PARD3B: variants seen among roughly 807,000 people sequenced by gnomAD.
PARD3B encodes partitioning defective 3 homolog B.
PARD3B carries 103 observed loss-of-function variants against 130.2 expected under a neutral mutation model. That is an observed-to-expected ratio of 0.79 (90% CI 0.67 to 0.93). PARD3B has a LOEUF of 0.93. PARD3B is among the 40% of genes least tolerant of loss of function. The pLI, the probability that PARD3B is intolerant of heterozygous loss-of-function variation, is 0.00. For synonymous variants in PARD3B, 583 were observed against 553.2 expected (o/e 1.05, Z -0.76); for missense variants, 1,609 against 1,499.2 (o/e 1.07, Z -1.21).
chr2:205,437,213 G>A (rs1196099133), intron 19 of PARD3B, among the ~76,000 whole-genome samples: 1 of 152,096 alleles, frequency 6.6e-6, no homozygotes, highest in African/African-American at 2.4e-5. Context: ...TTCCACTGTA[G>A]ATAGAATTTT....
At chr2:205,041,964 CA>C (rs1450113471) in intron 3 of PARD3B, among the ~76,000 whole-genome samples, 1 of 152,088 alleles carries the variant, frequency 6.6e-6, no homozygotes, top group African/African-American at 2.4e-5. Flanking sequence ...CCATCCCAAA[CA>C]TATCCTCCAA....
intron 16 of PARD3B, among the ~76,000 whole-genome samples, chr2:205,277,522 CT>C (rs1234444728): frequency 6.6e-6 from 1 of 152,092 alleles, no homozygotes; most frequent in Non-Finnish European, 1.5e-5. Flanking sequence ...CTCCTAATTT[CT>C]TTTTTGACAT....
chr2:205,168,262 T>C (rs1250845466), intron 11 of PARD3B, among the ~76,000 whole-genome samples: 1 of 127,518 alleles, frequency 7.8e-6, no homozygotes. Context: ...ATGGGAGTAA[T>C]AGAGGAAGAA....
At chr2:204,565,424 G>A (rs1181508456) in intron 1 of PARD3B, among the ~76,000 whole-genome samples, 1 of 152,154 alleles carries the variant, frequency 6.6e-6, no homozygotes, top group African/African-American at 2.4e-5. Flanking sequence ...GACTGATCTT[G>A]TATTCCTGTG....
intron 2 of PARD3B, among the ~76,000 whole-genome samples, chr2:204,825,664 C>G (rs116633858): frequency 0.013 from 1,944 of 152,282 alleles, 34 homozygotes; most frequent in African/African-American, 0.044. Context: ...ATGAGTCAAG[C>G]ACCAAGTTAG....
Position 204,971,658 on chromosome 2 carries a change from A to T in PARD3B, c.394+6335A>T, listed in dbSNP as rs79803880. 7.3e-3 allele frequency among the ~76,000 whole-genome samples: 1,102 copies of T among 151,236 alleles called. 19 individuals carry two copies. Among genetic ancestry groups the T allele is most frequent in the African/African-American group, 0.025 (1,031 of 41,102 alleles). On this transcript the variant is annotated intron_variant, in intron 3 of 22. Coordinates refer to ENST00000406610, the MANE Select transcript of PARD3B (RefSeq NM_001302769.2). Reference sequence around the variant, plus strand: ...CCCTCCATGAAGGCTTAAATGAATAATGTTGTAATTAGCTATGGTAACCTT... The same window carrying T: ...CCCTCCATGAAGGCTTAAATGAATATTGTTGTAATTAGCTATGGTAACCTT...
At chr2:205,545,222 A>T (rs1232929420) in intron 21 of PARD3B, among the ~76,000 whole-genome samples, 1 of 152,196 alleles carries the variant, frequency 6.6e-6, no homozygotes, top group Non-Finnish European at 1.5e-5. Flanking sequence ...CATTTTGTTT[A>T]AATAGAGCAT....
chr2:205,483,554 CA>C (rs2049322285), intron 20 of PARD3B, among the ~76,000 whole-genome samples: 1 of 152,162 alleles, frequency 6.6e-6, no homozygotes, highest in South Asian at 2.1e-4. Flanking sequence ...TATAAGGATG[CA>C]TTTTGACCAT....
chr2:205,245,579 T>C (rs2039537235), intron 15 of PARD3B, among the ~76,000 whole-genome samples, 199 bp from the exon 16 acceptor site: 1 of 152,210 alleles, frequency 6.6e-6, no homozygotes, highest in Non-Finnish European at 1.5e-5. Flanking sequence ...CTAATAAACA[T>C]ATATTTATTC....
chr2:205,135,075 G>A (rs2032363248), intron 10 of PARD3B, among the ~76,000 whole-genome samples: 1 of 152,204 alleles, frequency 6.6e-6, no homozygotes. Flanking sequence ...CTGTGGCTAT[G>A]ATTATGCTTC....
chr2:205,432,497 G>A (rs2047372546), intron 19 of PARD3B, among the ~76,000 whole-genome samples: 2 of 152,054 alleles, frequency 1.3e-5, no homozygotes, highest in Admixed American at 1.3e-4. Flanking sequence ...CACTGGCCTT[G>A]CTGTTTTTAG....
chr2:205,515,907 C>G lies in PARD3B; in HGVS notation c.3180+15876C>G, dbSNP rs139892468. Among the ~76,000 whole-genome samples the G allele has an allele frequency of 2.0e-3, 301 of 152,064 alleles. 1 individual carries two copies. The highest frequency in any genetic ancestry group is 0.014 in the Middle Eastern group (4 of 292). On this transcript the variant is annotated intron_variant, in intron 21 of 22. Transcript: ENST00000406610. The stretch of plus-strand genomic sequence containing the variant: ...CCAGGATGGTATTGCCTGGGTTGTC[C>G]TCCAGGGTTTTTGTAGTTTTGGGTT...
At chr2:205,355,955 A>G (rs942406435) in intron 18 of PARD3B, among the ~76,000 whole-genome samples, 10 of 152,160 alleles carry the variant, frequency 6.6e-5, no homozygotes, top group South Asian at 2.1e-4. Context: ...CCATGATCCA[A>G]TTACCTCCAC....
intron 20 of PARD3B, among the ~76,000 whole-genome samples, chr2:205,477,374 C>T (rs1374321200): frequency 6.6e-6 from 1 of 152,160 alleles, no homozygotes; most frequent in African/African-American, 2.4e-5. Flanking sequence ...CCCTTTGCCA[C>T]TCTAGTTGCT....
At chr2:204,900,967 A>C (rs2125705514) in intron 2 of PARD3B, among the ~76,000 whole-genome samples, 1 of 152,078 alleles carries the variant, frequency 6.6e-6, no homozygotes, top group East Asian at 1.9e-4. Flanking sequence ...TTTCTCCCAA[A>C]CAATTGGAGT....
At chr2:205,260,455 C>T in intron 16 of PARD3B, among the ~76,000 whole-genome samples, 1 of 152,140 alleles carries the variant, frequency 6.6e-6, no homozygotes, top group East Asian at 1.9e-4. Flanking sequence ...TCTGCTGACT[C>T]TCATTCATGG....
intron 19 of PARD3B, among the ~76,000 whole-genome samples, chr2:205,414,063 G>T (rs965248046): frequency 3.9e-5 from 6 of 152,122 alleles, no homozygotes; most frequent in African/African-American, 1.4e-4. Flanking sequence ...GGTGCTGATT[G>T]TATTTTGGGG....
intron 2 of PARD3B, among the ~76,000 whole-genome samples, chr2:204,800,750 C>G (rs1168487207): frequency 1.3e-5 from 2 of 152,058 alleles, no homozygotes; most frequent in Non-Finnish European, 2.9e-5. Context: ...CTTTTGTTGC[C>G]ATTGCTTTTG....
intron 2 of PARD3B, among the ~76,000 whole-genome samples, chr2:204,756,149 A>G (rs1343265372): frequency 6.6e-6 from 1 of 152,114 alleles, no homozygotes; most frequent in African/African-American, 2.4e-5. Flanking sequence ...AAGAAATACA[A>G]TACAGCTTTC....
Sources: allele counts gnomAD v4.1 joint callset (sites outside exome capture counted in the v4.1 genomes callset), GRCh38; gene constraint gnomAD v4.1.1; transcripts MANE v1.5; gene names NCBI Gene and HGNC (gene_info 2026-07-23, HGNC 2026-07-21).